The following POFUT3 variants were observed in gnomAD, a reference collection of about 807,000 sequenced individuals.
POFUT3 encodes the protein GDP-fucose protein O-fucosyltransferase 3.
At chr8:33,463,213 G>A in the POFUT3 span, among the ~76,000 whole-genome samples, 2 of 151,914 alleles carry the variant, frequency 1.3e-5, no homozygotes, top group Non-Finnish European at 2.9e-5. Context: ...AGTCTTAAAG[G>A]TGTGCTCCCA....
the POFUT3 span, among the ~76,000 whole-genome samples, chr8:33,410,583 C>T: frequency 1.3e-5 from 2 of 151,990 alleles, no homozygotes; most frequent in African/African-American, 2.4e-5. Context: ...CCACTCAATA[C>T]ACATTTGGCA....
At chr8:33,468,319 T>A in the POFUT3 span, among the ~76,000 whole-genome samples, 1 of 151,810 alleles carries the variant, frequency 6.6e-6, no homozygotes, top group Admixed American at 6.6e-5. Context: ...TCTCCCTAGT[T>A]GCAGGAGAGG....
At chr8:33,443,964 AG>A in the POFUT3 span, among the ~76,000 whole-genome samples, 3 of 145,296 alleles carry the variant, frequency 2.1e-5, no homozygotes, top group Admixed American at 6.8e-5. Context: ...CATTTCTACA[AG>A]CTTTTTTTTT....
At chr8:33,447,177 G>A in the POFUT3 span, among the ~76,000 whole-genome samples, 1 of 152,134 alleles carries the variant, frequency 6.6e-6, no homozygotes, top group Admixed American at 6.6e-5. Flanking sequence ...GGCCGGGCGC[G>A]GTGGCTCAAG....
At chr8:33,354,800 G>A in the POFUT3 span, among the ~76,000 whole-genome samples, 4 of 152,166 alleles carry the variant, frequency 2.6e-5, no homozygotes, top group Admixed American at 1.3e-4. Context: ...GACTAATGGC[G>A]TCTTTGTTTC....
the POFUT3 span, among the ~76,000 whole-genome samples, chr8:33,437,746 G>A: frequency 6.6e-6 from 1 of 152,130 alleles, no homozygotes; most frequent in Non-Finnish European, 1.5e-5. Flanking sequence ...GGGAGGCAGA[G>A]GTTGCAGTAA....
At chr8:33,406,588 C>T in the POFUT3 span, among the ~76,000 whole-genome samples, 8 of 152,052 alleles carry the variant, frequency 5.3e-5, no homozygotes, top group South Asian at 2.1e-4. Flanking sequence ...TGCACTATCA[C>T]GCCTGGCTAA....
At chr8:33,319,991 A>G in the POFUT3 span, among the ~76,000 whole-genome samples, 1 of 151,140 alleles carries the variant, frequency 6.6e-6, no homozygotes, top group Non-Finnish European at 1.5e-5. Flanking sequence ...TATGTGCCAG[A>G]CACTGGAATA....
chr8:33,380,668 C>T, the POFUT3 span, among the ~76,000 whole-genome samples: 1 of 151,864 alleles, frequency 6.6e-6, no homozygotes, highest in East Asian at 1.9e-4. Flanking sequence ...AAGACCCTGT[C>T]TCTACAAAAA....
chr8:33,461,558 C>T, the POFUT3 span: 1 of 1,572,382 alleles, frequency 6.4e-7, no homozygotes, highest in Non-Finnish European at 8.6e-7. Context: ...ATCTGGGCGC[C>T]AATTTCCTGC....
At chr8:33,332,004 A>T in the POFUT3 span, among the ~76,000 whole-genome samples, 5 of 151,278 alleles carry the variant, frequency 3.3e-5, no homozygotes, top group South Asian at 2.1e-4. Context: ...GTAAGCAGGC[A>T]TGGTGGCACA....
the POFUT3 span, among the ~76,000 whole-genome samples, chr8:33,406,577 G>A: frequency 1.6e-4 from 24 of 151,878 alleles, no homozygotes; most frequent in South Asian, 5.0e-3. Flanking sequence ...GGGACCACAG[G>A]TGCACTATCA....
At chr8:33,412,450 C>T in the POFUT3 span, among the ~76,000 whole-genome samples, 6 of 152,346 alleles carry the variant, frequency 3.9e-5, no homozygotes, top group East Asian at 9.6e-4. Flanking sequence ...CACCAGTCAT[C>T]AGCCTAGCTG....
chr8:33,361,877 G>A, the POFUT3 span, among the ~76,000 whole-genome samples: 1 of 151,932 alleles, frequency 6.6e-6, no homozygotes, highest in Non-Finnish European at 1.5e-5. Context: ...GATAGCTGTG[G>A]TTATCTTTTA....
chr8:33,368,337 G>A, the POFUT3 span, among the ~76,000 whole-genome samples: 2 of 152,116 alleles, frequency 1.3e-5, no homozygotes, highest in East Asian at 1.9e-4. Flanking sequence ...ATCCCTTGCC[G>A]ATCTCCTTAA....
At chr8:33,351,798 A>T in the POFUT3 span, among the ~76,000 whole-genome samples, 511 of 145,948 alleles carry the variant, frequency 3.5e-3, 1 homozygote, top group South Asian at 0.011. Context: ...AGAGTGAGAT[A>T]AAAAAAAAGG....
the POFUT3 span, among the ~76,000 whole-genome samples, chr8:33,381,962 G>A: frequency 4.6e-5 from 7 of 152,096 alleles, no homozygotes; most frequent in South Asian, 2.1e-4. Flanking sequence ...GAATCAGAGC[G>A]CACCTTCAAT....
At chr8:33,471,571 A>C in the POFUT3 span, among the ~76,000 whole-genome samples, 1 of 152,166 alleles carries the variant, frequency 6.6e-6, no homozygotes, top group Admixed American at 6.5e-5. Flanking sequence ...CAAAGTTTAA[A>C]GCATTTAAAT....
the POFUT3 span, among the ~76,000 whole-genome samples, chr8:33,369,656 C>T: frequency 6.6e-6 from 1 of 152,058 alleles, no homozygotes; most frequent in Non-Finnish European, 1.5e-5. Context: ...CTGGGCAGGT[C>T]GGCACTGTGC....
Sources: gnomAD v4.1 joint callset for allele counts (sites outside exome capture counted in the v4.1 genomes callset) on GRCh38, gnomAD v4.1.1 for gene constraint, MANE v1.5 for transcripts, NCBI Gene and HGNC (gene_info 2026-07-23, HGNC 2026-07-21) for gene names.